The following EIPR1 variants were observed in gnomAD, a reference collection of about 807,000 sequenced individuals.
EIPR1 encodes the protein EARP complex and GARP complex interacting protein 1.
In EIPR1, 25 loss-of-function variants were observed where a neutral mutation model predicts 48.1. The ratio of observed to expected loss-of-function variants is 0.52; its 90% CI spans 0.38 to 0.73. The LOEUF is 0.73. EIPR1 is among the 30% of genes least tolerant of loss of function. The probability of loss-of-function intolerance (pLI) is 0.00; values close to 1 mark genes in which losing one functional copy is unlikely to be tolerated. For missense variants in EIPR1, 415 were observed against 506.2 expected (o/e 0.82, Z 1.73); for synonymous variants, 204 against 201.9 (o/e 1.01, Z -0.09).
At position 3,200,913 on chromosome 2, in the gene EIPR1, G is replaced by A. The variant is rs1004417206; in HGVS notation, c.517-3896C>T. Among the ~76,000 whole-genome samples the A allele has an allele frequency of 5.9e-5, 9 of 152,338 alleles. No individual in the cohort carries two copies. The East Asian group carries it at 1.3e-3, about 23-fold the overall frequency. The stretch of plus-strand genomic sequence containing the variant: ...GAACCAGAAAGGCTGGGCAGGTCTG[G>A]GCTATGGGCAGGGAGGTGGCAGGGC... On this transcript the variant is annotated intron_variant, in intron 5 of 8. Coordinates refer to ENST00000382125, the MANE Select transcript of EIPR1 (RefSeq NM_003310.5).
intron 7 of EIPR1, among the ~76,000 whole-genome samples, chr2:3,193,747 AT>A (rs1179088355): frequency 6.6e-6 from 1 of 152,174 alleles, no homozygotes; most frequent in African/African-American, 2.4e-5. Context: ...GTGCACATTT[AT>A]TTTTGTATAC....
At chr2:3,287,044 C>G (rs12469898) in intron 3 of EIPR1, among the ~76,000 whole-genome samples, 49,539 of 121,306 alleles carry the variant, frequency 0.41, 8,842 homozygotes, top group African/African-American at 0.45. Flanking sequence ...CCGGCAGAGG[C>G]GGCGGTGGGG....
At chr2:3,269,460 A>G (rs374214812) in intron 3 of EIPR1, among the ~76,000 whole-genome samples, 292 of 10,972 alleles carry the variant, frequency 0.027, 27 homozygotes, top group Middle Eastern at 0.1. Context: ...AATCATCACC[A>G]CACTCAGTCA....
intron 3 of EIPR1, among the ~76,000 whole-genome samples, chr2:3,295,962 A>G (rs1378026522): frequency 6.7e-4 from 35 of 52,454 alleles, no homozygotes; most frequent in South Asian, 1.6e-3. Flanking sequence ...CATCCAGCCC[A>G]TCCTCTCTCT....
At chr2:3,279,173 C>T (rs928910482) in intron 3 of EIPR1, among the ~76,000 whole-genome samples, 8 of 152,176 alleles carry the variant, frequency 5.3e-5, no homozygotes, top group African/African-American at 1.7e-4. Context: ...CGCAACCGAT[C>T]ATGTCAGAAA....
At chr2:3,354,759 C>A (rs1670680533) in intron 1 of EIPR1, 126 bp from the exon 2 acceptor site, 1 of 1,014,454 alleles carries the variant, frequency 9.9e-7, no homozygotes, top group Admixed American at 2.5e-5. Context: ...TACAGAGTGT[C>A]TGGAAAGCAA....
intron 4 of EIPR1, among the ~76,000 whole-genome samples, chr2:3,247,240 C>T: frequency 6.6e-6 from 1 of 152,136 alleles, no homozygotes; most frequent in Non-Finnish European, 1.5e-5. Flanking sequence ...TCTTGATATA[C>T]CACTTGGGAA....
intron 4 of EIPR1, among the ~76,000 whole-genome samples, chr2:3,229,398 T>C (rs567791798): frequency 6.6e-6 from 1 of 152,240 alleles, no homozygotes; most frequent in Non-Finnish European, 1.5e-5. Flanking sequence ...TCCAGGGCAA[T>C]AACACCAAAA....
intron 3 of EIPR1, among the ~76,000 whole-genome samples, chr2:3,260,064 G>A (rs1198694937): frequency 6.6e-6 from 1 of 152,174 alleles, no homozygotes; most frequent in Admixed American, 6.5e-5. Flanking sequence ...TACAGAAAAA[G>A]ACGAATAACA....
At chr2:3,376,352 T>C (rs1659881937) in intron 1 of EIPR1, among the ~76,000 whole-genome samples, 1 of 152,004 alleles carries the variant, frequency 6.6e-6, no homozygotes, top group South Asian at 2.1e-4. Flanking sequence ...CTGGGTGGCA[T>C]ATGTTATTCT....
chr2:3,243,926 T>C (rs1008326209), intron 4 of EIPR1, among the ~76,000 whole-genome samples: 1 of 152,074 alleles, frequency 6.6e-6, no homozygotes, highest in African/African-American at 2.4e-5. Context: ...CCACAGAGGG[T>C]TGGAGGAGCA....
In EIPR1 at chr2:3,189,216, G is replaced by A. The variant is rs538860532; in HGVS notation, c.*118C>T. On this transcript the variant is annotated 3_prime_UTR_variant, in exon 9 of 9. Transcript: ENST00000382125. The surrounding 1 kb of genome is among the most constrained non-coding windows in gnomAD (Gnocchi z 4.6). Reference sequence around the variant, plus strand: ...GCTGCTGCTACAGGAAGGGAACAGCGGCTCTCCCAGAGAGGGATCCACCTG... The same window carrying A: ...GCTGCTGCTACAGGAAGGGAACAGCAGCTCTCCCAGAGAGGGATCCACCTG... 3.7e-6 allele frequency: 4 copies of A among 1,091,006 alleles called. No individual in the cohort carries two copies. The highest frequency in any genetic ancestry group is 2.4e-5 in the South Asian group (1 of 42,038). 67.6% of individuals were successfully genotyped at this position (1,091,006 alleles called of 1,614,324 possible). A position where few individuals can be genotyped will look rare whatever the true frequency, so the allele number is the denominator to read the frequency against.
chr2:3,189,297 A>G lies in EIPR1; in HGVS notation c.*37T>C, dbSNP rs759451589. 9.9e-6 allele frequency: 15 copies of G among 1,510,744 alleles called. No individual in the cohort carries two copies. The highest frequency in any genetic ancestry group is 1.2e-5 in the Non-Finnish European group (13 of 1,118,496). 93.6% of individuals were successfully genotyped at this position (1,510,744 alleles called of 1,614,324 possible). On this transcript the variant is annotated 3_prime_UTR_variant, in exon 9 of 9. Transcript: ENST00000382125. The surrounding 1 kb of genome is among the most constrained non-coding windows in gnomAD (Gnocchi z 4.6). Reference sequence around the variant, plus strand: ...TGTTTGAGAATCTGCCAAGAGGAAAACCACTCAATGGGACCTGGATAACCC... The same window carrying G: ...TGTTTGAGAATCTGCCAAGAGGAAAGCCACTCAATGGGACCTGGATAACCC...
At chr2:3,330,197 C>A (rs576094719) in intron 3 of EIPR1, among the ~76,000 whole-genome samples, 3 of 152,190 alleles carry the variant, frequency 2.0e-5, no homozygotes, top group East Asian at 1.9e-4. Context: ...CCACTCAATA[C>A]GTATAACCTC....
intron 3 of EIPR1, among the ~76,000 whole-genome samples, chr2:3,259,362 C>A (rs938463153): frequency 9.7e-6 from 1 of 103,316 alleles, no homozygotes; most frequent in African/African-American, 3.5e-5. Flanking sequence ...TTCCTGTAAA[C>A]GCCAGCTCAC....
intron 5 of EIPR1, among the ~76,000 whole-genome samples, chr2:3,202,292 A>C (rs1353053792): frequency 6.6e-6 from 1 of 152,236 alleles, no homozygotes; most frequent in Non-Finnish European, 1.5e-5. Context: ...ATACCTTTGT[A>C]GTATTCCCTT....
chr2:3,234,213 G>GT (rs922078762), intron 4 of EIPR1, among the ~76,000 whole-genome samples: 30 of 152,050 alleles, frequency 2.0e-4, no homozygotes, highest in East Asian at 3.9e-4. Flanking sequence ...GTATTTTGCT[G>GT]TTTTTTTTAC....
chr2:3,221,962 GA>G (rs1665908135), intron 4 of EIPR1, among the ~76,000 whole-genome samples: 1 of 152,106 alleles, frequency 6.6e-6, no homozygotes, highest in Non-Finnish European at 1.5e-5. Context: ...CAATGCTCCT[GA>G]AAACTTGTTT....
chr2:3,238,334 C>T (rs1236424729), intron 4 of EIPR1, among the ~76,000 whole-genome samples: 3 of 152,138 alleles, frequency 2.0e-5, no homozygotes, highest in African/African-American at 7.2e-5. Context: ...GCCAGCTGGG[C>T]CTCTCTTGTC....
Sources: allele counts gnomAD v4.1 joint callset (sites outside exome capture counted in the v4.1 genomes callset), GRCh38; gene constraint gnomAD v4.1.1; non-coding constraint Gnocchi (gnomAD v3.1); transcripts MANE v1.5; gene names NCBI Gene and HGNC (gene_info 2026-07-23, HGNC 2026-07-21).